MICU1: variants seen among roughly 807,000 people sequenced by gnomAD.
The protein encoded by MICU1 is mitochondrial calcium uptake 1.
A neutral mutation model predicts 56.8 loss-of-function variants in MICU1; 45 were observed. The observed-to-expected ratio is 0.79, with a 90% confidence interval of 0.62 to 1.02. The LOEUF is 1.02. Ranked by LOEUF, MICU1 falls within the 50% of genes least tolerant of loss-of-function variation. The pLI, the probability that MICU1 is intolerant of heterozygous loss-of-function variation, is 0.00. For missense variants in MICU1, 504 were observed against 587.1 expected (o/e 0.86, Z 1.46); for synonymous variants, 186 against 195.1 (o/e 0.95, Z 0.39).
At chr10:72,586,013 C>CTTTTTTTTTTTTTTTTTTTTTT (rs71021511) in intron 1 of MICU1, among the ~76,000 whole-genome samples, 63 of 74,714 alleles carry the variant, frequency 8.4e-4, no homozygotes, top group Non-Finnish European at 1.2e-3. Context: ...TTTTTTTTTT[C>CTTTTTTTTTTTTTTTTTTTTTT]TTTTTTTTTT....
chr10:72,471,592 T>A (rs922124819), intron 8 of MICU1, among the ~76,000 whole-genome samples: 34 of 152,082 alleles, frequency 2.2e-4, no homozygotes, highest in Non-Finnish European at 2.9e-4. Flanking sequence ...TTGTTTTTTT[T>A]AAATTTCTTT....
intron 1 of MICU1, among the ~76,000 whole-genome samples, chr10:72,568,074 C>T (rs1840489973): frequency 6.6e-6 from 1 of 152,020 alleles, no homozygotes; most frequent in Non-Finnish European, 1.5e-5. Flanking sequence ...GGTAGGGAGA[C>T]TTCAACCTAG....
At chr10:72,375,053 C>T (rs1862473632) in intron 11 of MICU1, among the ~76,000 whole-genome samples, 2 of 151,770 alleles carry the variant, frequency 1.3e-5, no homozygotes, top group South Asian at 2.1e-4. Flanking sequence ...TCAGGTGATC[C>T]GCCTGCCTCA....
At chr10:72,574,428 A>T (rs1840691551) in intron 1 of MICU1, among the ~76,000 whole-genome samples, 1 of 152,162 alleles carries the variant, frequency 6.6e-6, no homozygotes, top group Non-Finnish European at 1.5e-5. Flanking sequence ...CTGAGGCAGG[A>T]GAATCGCTTG....
At chr10:72,390,420 A>G (rs1863030355) in intron 10 of MICU1, among the ~76,000 whole-genome samples, 2 of 152,238 alleles carry the variant, frequency 1.3e-5, no homozygotes, top group Non-Finnish European at 2.9e-5. Context: ...AGTTGGCAGC[A>G]GGAGTGCTGC....
chr10:72,548,731 C>CT (rs1839956955), intron 4 of MICU1, among the ~76,000 whole-genome samples: 2 of 152,234 alleles, frequency 1.3e-5, no homozygotes, highest in Admixed American at 6.5e-5. Context: ...GAGTCTCCCT[C>CT]TGTCACCCAG....
intron 10 of MICU1, among the ~76,000 whole-genome samples, chr10:72,377,543 C>A (rs1380432503): frequency 2.6e-5 from 4 of 152,142 alleles, no homozygotes; most frequent in African/African-American, 4.8e-5. Flanking sequence ...CAAACACTAG[C>A]AATTATGTTA....
intron 1 of MICU1, among the ~76,000 whole-genome samples, chr10:72,603,414 A>G (rs985761610): frequency 2.6e-5 from 4 of 151,628 alleles, no homozygotes; most frequent in Non-Finnish European, 5.9e-5. Context: ...ACATAAATAA[A>G]TAAGTTTATT....
intron 1 of MICU1, among the ~76,000 whole-genome samples, chr10:72,574,784 A>G (rs536233208): frequency 1.2e-3 from 188 of 152,280 alleles, no homozygotes; most frequent in Non-Finnish European, 2.2e-3. Context: ...CTTTATTAGG[A>G]AACAGGCAGA....
intron 9 of MICU1, among the ~76,000 whole-genome samples, chr10:72,413,109 A>G (rs1385500598): frequency 1.3e-5 from 2 of 151,990 alleles, no homozygotes; most frequent in African/African-American, 2.4e-5. Flanking sequence ...AGGAATGAGA[A>G]TTGCATGAAC....
chr10:72,600,391 G>A (rs1370237476), intron 1 of MICU1, among the ~76,000 whole-genome samples: 3 of 151,728 alleles, frequency 2.0e-5, no homozygotes, highest in Admixed American at 6.6e-5. Context: ...CCTCACACCT[G>A]TAATCCCAGC....
chr10:72,599,318 C>T (rs1193183815), intron 1 of MICU1, among the ~76,000 whole-genome samples: 1 of 152,092 alleles, frequency 6.6e-6, no homozygotes, highest in Admixed American at 6.6e-5. Context: ...GTATTAAATG[C>T]AAACATTTAA....
At chr10:72,497,623 A>T (rs1240147068) in intron 6 of MICU1, among the ~76,000 whole-genome samples, 2 of 152,178 alleles carry the variant, frequency 1.3e-5, no homozygotes, top group African/African-American at 2.4e-5. Flanking sequence ...CATCAGTAGA[A>T]GAAAAACAGG....
At chr10:72,474,737 T>C (rs540320188) in intron 8 of MICU1, among the ~76,000 whole-genome samples, 7 of 152,338 alleles carry the variant, frequency 4.6e-5, no homozygotes, top group African/African-American at 1.4e-4. Context: ...TTTGCAATTA[T>C]CCATCCTTCT....
At chr10:72,489,468 A>G (rs1028729282) in intron 6 of MICU1, among the ~76,000 whole-genome samples, 1 of 152,208 alleles carries the variant, frequency 6.6e-6, no homozygotes, top group Admixed American at 6.6e-5. Flanking sequence ...GAGCTGGGAT[A>G]TGAACCTTGG....
At chr10:72,467,156 G>A (rs139155328) in intron 8 of MICU1, among the ~76,000 whole-genome samples, 2,313 of 151,608 alleles carry the variant, frequency 0.015, 45 homozygotes, top group African/African-American at 0.05. Context: ...ATGCCACCAC[G>A]TCTGACTAAT....
At chr10:72,427,547 T>C (rs1281923446) in intron 8 of MICU1, among the ~76,000 whole-genome samples, 1 of 152,074 alleles carries the variant, frequency 6.6e-6, no homozygotes, top group Non-Finnish European at 1.5e-5. Flanking sequence ...CAGTTATCTT[T>C]CAAGAGACTC....
chr10:72,463,305 T>C (rs1174782722), intron 8 of MICU1, among the ~76,000 whole-genome samples: 3 of 152,188 alleles, frequency 2.0e-5, no homozygotes, highest in Non-Finnish European at 4.4e-5. Context: ...TCAGGTGATC[T>C]GCCCACCTTG....
In MICU1 at chr10:72,381,963, TACACACACAC is replaced by T. The variant is rs10535513; in HGVS notation, c.1181-6101_1181-6092del. ...AGGAGACTGTGTATATATATATCTATACACACACACACACACACACACACACACACACACA... is the reference window on the plus strand; with the variant it reads ...AGGAGACTGTGTATATATATATCTATACACACACACACACACACACACACA... On this transcript the variant is annotated intron_variant, in intron 10 of 11. Coordinates refer to ENST00000361114, the MANE Select transcript of MICU1 (RefSeq NM_001195518.2). Among the ~76,000 whole-genome samples, 807 of 138,440 alleles carry T rather than the reference TACACACACAC, an allele frequency of 5.8e-3. 9 individuals carry two copies. The highest frequency in any genetic ancestry group is 0.016 in the African/African-American group (612 of 37,624). The allele number at this position is 138,440 out of a possible 152,430, so 90.8% of individuals were successfully genotyped here.
Sources: allele counts gnomAD v4.1 joint callset (sites outside exome capture counted in the v4.1 genomes callset), GRCh38; gene constraint gnomAD v4.1.1; transcripts MANE v1.5; gene names NCBI Gene and HGNC (gene_info 2026-07-23, HGNC 2026-07-21).